SCN3A: variants seen among roughly 807,000 people sequenced by gnomAD.
SCN3A encodes sodium voltage-gated channel alpha subunit 3.
A neutral mutation model predicts 187.6 loss-of-function variants in SCN3A; 60 were observed. The observed-to-expected ratio is 0.32, with a 90% CI of 0.26 to 0.40. SCN3A has a LOEUF of 0.40. SCN3A is among the 10% of genes least tolerant of loss of function. The probability of loss-of-function intolerance (pLI) is 1.00; values close to 1 mark genes in which losing one functional copy is unlikely to be tolerated. For missense variants in SCN3A, 1,601 were observed against 2,428.2 expected (o/e 0.66, Z 7.16); for synonymous variants, 788 against 829.2 (o/e 0.95, Z 0.85).
At position 165,090,828 on chromosome 2, in the gene SCN3A, A is replaced by G; in HGVS notation, c.5325T>C (p.Ser1775=). ...GCTCTGCACTTTCTTCAGTAGCAAC[A>G]CTGAAGTTCTCCAGGATGACCGCGA... The part of the protein sequence containing the change: ...MYIAVILENF[S]VATEESAEPL... Residue 1775 remains serine, a synonymous_variant, in exon 28 of 28, where the codon AGT becomes AGC. Transcript: ENST00000283254. The surrounding 1 kb of genome is among the most constrained non-coding windows in gnomAD (Gnocchi z 4.0). 6.2e-7 allele frequency: 1 copy of G among 1,614,058 alleles called. No homozygotes were observed. The highest frequency in any genetic ancestry group is 2.2e-5 in the East Asian group (1 of 44,874).
At chr2:165,147,095 A>C in intron 11 of SCN3A, 66 bp from the exon 12 acceptor site, 1 of 1,578,938 alleles carries the variant, frequency 6.3e-7, no homozygotes, top group Non-Finnish European at 8.7e-7. Flanking sequence ...AGTATGGTTA[A>C]AATATTGCCA....
chr2:165,154,614 C>G lies in SCN3A; in HGVS notation c.1218G>C (p.Leu406=), dbSNP rs1347955032. The change falls in exon 11 of 28, where the codon CTG becomes CTC. Residue 406 remains leucine (L), a synonymous_variant. Coordinates refer to ENST00000283254, the MANE Select transcript of SCN3A (RefSeq NM_006922.4). ...AATAAAATGAGCCCAAGAAAATGAC[C>G]AGGACAAAAAATATCATGTATGTTT... is the stretch of plus-strand genomic sequence containing the variant. ...AGKTYMIFFV[L]VIFLGSFYLV... 2 of 1,614,060 alleles carry G rather than the reference C, an allele frequency of 1.2e-6. No homozygotes were observed. The highest frequency in any genetic ancestry group is 1.7e-6 in the Non-Finnish European group (2 of 1,180,000).
rs1267854937 is a variant in SCN3A at position 165,140,156 on chromosome 2, T to TA, written c.2019+494dup. ...TAATTATTTCTATATCTTATCCTAT[T>TA]AAAAAACAACACATTTTAGAGTCAT... On this transcript the variant is annotated intron_variant, in intron 13 of 27. Transcript: ENST00000283254. This position sits in a 1 kb window ranked among gnomAD's most constrained non-coding sequence, Gnocchi z 4.2. Among the ~76,000 whole-genome samples the TA allele has an allele frequency of 6.6e-6, 1 of 152,162 alleles. No individual in the cohort carries two copies. The highest frequency in any genetic ancestry group is 1.5e-5 in the Non-Finnish European group (1 of 68,034).
In SCN3A at chr2:165,090,849, C is replaced by T. The variant is rs761675440; in HGVS notation, c.5304G>A (p.Ala1768=). 7 of 1,613,958 alleles carry T rather than the reference C, an allele frequency of 4.3e-6. No homozygotes were observed. The highest frequency in any genetic ancestry group is 3.3e-5 in the Admixed American group (2 of 59,988). The change falls in exon 28 of 28, where the codon GCG becomes GCA. Residue 1768 remains alanine (A), a synonymous_variant. Coordinates refer to ENST00000283254, the MANE Select transcript of SCN3A (RefSeq NM_006922.4). The surrounding 1 kb of genome is among the most constrained non-coding windows in gnomAD (Gnocchi z 4.0). Reference sequence around the variant, plus strand: ...CAACACTGAAGTTCTCCAGGATGACCGCGATGTACATGTTCACCACAACCA... The same window carrying T: ...CAACACTGAAGTTCTCCAGGATGACTGCGATGTACATGTTCACCACAACCA... ...SFLVVVNMYI[A]VILENFSVAT... is the part of the protein sequence containing the mutation.
At chr2:165,147,082 T>C in intron 11 of SCN3A, 53 bp from the exon 12 acceptor site, 1 of 1,600,136 alleles carries the variant, frequency 6.2e-7, no homozygotes. Context: ...TTGAAAACAG[T>C]TGAGTATGGT....
rs1402214877 is a variant in SCN3A, at chr2:165,088,241, C to T, written c.*1909G>A. ...CTGCATGCAGTTCTTCAATACACTACAGTAAATAGTTTTGTAAAAAGAATT... is the reference window on the plus strand; with the variant it reads ...CTGCATGCAGTTCTTCAATACACTATAGTAAATAGTTTTGTAAAAAGAATT... On this transcript the variant is annotated 3_prime_UTR_variant, in exon 28 of 28. Coordinates refer to ENST00000283254, the MANE Select transcript of SCN3A (RefSeq NM_006922.4). 6.6e-6 allele frequency: 1 copy of T among 152,466 alleles called. No individual in the cohort carries two copies. Among genetic ancestry groups the T allele is most frequent in the African/African-American group, 2.4e-5 (1 of 41,428 alleles). The allele number at this position is 152,466 out of a possible 1,614,324, so 9.4% of individuals were successfully genotyped here.
rs752567110 is a variant in SCN3A, at chr2:165,094,355, G to A, written c.4536+19C>T. 2 of 1,564,802 alleles carry A rather than the reference G, an allele frequency of 1.3e-6. No individual in the cohort carries two copies. ...GGACGCATGGCTTTGGAACATTAAA[G>A]GAGACAAGTAATTCTTACTGCTGGG... On this transcript the variant is annotated intron_variant, in intron 26 of 27. Coordinates refer to ENST00000283254, the MANE Select transcript of SCN3A (RefSeq NM_006922.4).
chr2:165,093,287 G>T (rs1386362339), intron 26 of SCN3A: 1 of 152,054 alleles, frequency 6.6e-6, no homozygotes, highest in Non-Finnish European at 1.5e-5. Flanking sequence ...AAATACATCA[G>T]TCATATTTCT....
At chr2:165,128,318 T>C (rs1342609774) in intron 17 of SCN3A, among the ~76,000 whole-genome samples, 1 of 152,144 alleles carries the variant, frequency 6.6e-6, no homozygotes, top group Non-Finnish European at 1.5e-5. Flanking sequence ...CTCTTCTTTT[T>C]TTCCTATTGG....
In SCN3A at chr2:165,140,611, G is replaced by T. The variant is rs768786018; in HGVS notation, c.2019+40C>A. The T allele has an allele frequency of 1.3e-6, 2 of 1,542,460 alleles. No homozygotes were observed. Among genetic ancestry groups the T allele is most frequent in the Non-Finnish European group, 9.0e-7 (1 of 1,114,702 alleles). On this transcript the variant is annotated intron_variant, in intron 13 of 27. Coordinates refer to ENST00000283254, the MANE Select transcript of SCN3A (RefSeq NM_006922.4). This position sits in a 1 kb window ranked among gnomAD's most constrained non-coding sequence, Gnocchi z 4.2. Reference sequence around the variant, plus strand: ...GTCCAGGCTTTGATTATTTCAAATTGGTGAATAATGTCAGTAGCAGCTAGG... The same window carrying T: ...GTCCAGGCTTTGATTATTTCAAATTTGTGAATAATGTCAGTAGCAGCTAGG...
intron 1 of SCN3A, among the ~76,000 whole-genome samples, chr2:165,191,134 G>C (rs1217169540): frequency 7.1e-6 from 1 of 140,756 alleles, no homozygotes; most frequent in East Asian, 2.2e-4. Flanking sequence ...GTTTCTTAAA[G>C]ATGACAATCA....
At chr2:165,150,930 T>A (rs541450683) in intron 11 of SCN3A, among the ~76,000 whole-genome samples, 4 of 152,214 alleles carry the variant, frequency 2.6e-5, no homozygotes, top group Non-Finnish European at 5.9e-5. Flanking sequence ...AATAGCTATT[T>A]TTATTTTATT....
intron 18 of SCN3A, 39 bp from the exon 19 acceptor site, chr2:165,115,614 C>A: frequency 6.2e-7 from 1 of 1,606,114 alleles, no homozygotes; most frequent in Non-Finnish European, 8.5e-7. Flanking sequence ...TGATTTTCCC[C>A]CTTTTATTTA....
At chr2:165,148,104 G>T (rs879762960) in intron 11 of SCN3A, among the ~76,000 whole-genome samples, 1 of 150,214 alleles carries the variant, frequency 6.7e-6, no homozygotes, top group African/African-American at 2.5e-5. Flanking sequence ...ATCATTGTAT[G>T]CTCAGTGACT....
intron 2 of SCN3A, among the ~76,000 whole-genome samples, chr2:165,180,186 A>T (rs182619019): frequency 2.5e-3 from 382 of 152,308 alleles, no homozygotes; most frequent in Admixed American, 4.4e-3. Flanking sequence ...TATTTGAGGA[A>T]TAAACTGCGG....
At chr2:165,115,314 ACCGTAGCCTC>A in intron 19 of SCN3A, 131 bp downstream of exon 19, 1 of 912,668 alleles carries the variant, frequency 1.1e-6, no homozygotes, top group African/African-American at 1.7e-5. Context: ...CAATCCTCCT[ACCGTAGCCTC>A]CCAAAATTTT....
At chr2:165,136,481 ACT>A (rs1428710694) in intron 15 of SCN3A, among the ~76,000 whole-genome samples, 1 of 152,152 alleles carries the variant, frequency 6.6e-6, no homozygotes, top group African/African-American at 2.4e-5. Context: ...CTTCACAACA[ACT>A]CTGCACGAAG....
intron 9 of SCN3A, among the ~76,000 whole-genome samples, chr2:165,157,755 A>G (rs1388530966): frequency 1.3e-5 from 2 of 152,216 alleles, no homozygotes; most frequent in Non-Finnish European, 2.9e-5. Context: ...TAATTATTCA[A>G]TCATTTCAAT....
intron 18 of SCN3A, among the ~76,000 whole-genome samples, chr2:165,118,742 G>A (rs902276323): frequency 2.6e-5 from 4 of 152,104 alleles, no homozygotes; most frequent in Non-Finnish European, 4.4e-5. Flanking sequence ...GCATGCCACC[G>A]TGCCTGGCTA....
Sources: allele counts gnomAD v4.1 joint callset (sites outside exome capture counted in the v4.1 genomes callset), GRCh38; gene constraint gnomAD v4.1.1; non-coding constraint Gnocchi (gnomAD v3.1); transcripts MANE v1.5; gene names NCBI Gene and HGNC (gene_info 2026-07-23, HGNC 2026-07-21).